The following DIAPH2 variants were observed in gnomAD, a reference collection of about 807,000 sequenced individuals.
DIAPH2 encodes diaphanous related formin 2.
DIAPH2 carries 35 observed loss-of-function variants against 92.7 expected under a neutral mutation model. The ratio of observed to expected loss-of-function variants is 0.38; its 90% CI spans 0.29 to 0.50. DIAPH2 has a LOEUF of 0.50. Among genes scored for constraint, DIAPH2 ranks in the 20% least tolerant of loss-of-function variants. The pLI, the probability that DIAPH2 is intolerant of heterozygous loss-of-function variation, is 0.94. For missense variants in DIAPH2, 701 were observed against 819.5 expected, an observed-to-expected ratio of 0.86 and a Z score of 1.77; for synonymous variants, 301 against 280.4, an observed-to-expected ratio of 1.07 and a Z score of -0.73.
At chrX:96,841,364 C>G (rs1222356226) in intron 4 of DIAPH2, among the ~76,000 whole-genome samples, 1 of 111,941 alleles carries the variant, frequency 8.9e-6, no homozygotes, top group African/African-American at 3.2e-5. Flanking sequence ...ACCTGGCTCA[C>G]TGTGTTCAAT....
chrX:97,458,271 T>G (rs1181076545), intron 26 of DIAPH2, among the ~76,000 whole-genome samples: 1 of 109,229 alleles, frequency 9.2e-6, no homozygotes, highest in African/African-American at 3.3e-5. Flanking sequence ...CAGGGGTTTT[T>G]TTTCCATTTT....
chrX:97,270,623 T>G (rs773916601), intron 23 of DIAPH2, among the ~76,000 whole-genome samples: 6 of 111,860 alleles, frequency 5.4e-5, no homozygotes, highest in Admixed American at 9.6e-5. Context: ...TCAGTACCTA[T>G]AGAAACGACA....
intron 25 of DIAPH2, among the ~76,000 whole-genome samples, chrX:97,420,977 A>G (rs1168608330): frequency 2.7e-5 from 3 of 112,293 alleles, no homozygotes; most frequent in Non-Finnish European, 5.6e-5. Context: ...TATCTTAGTT[A>G]CCATCTGTTG....
intron 24 of DIAPH2, among the ~76,000 whole-genome samples, chrX:97,372,671 A>G (rs1302811963): frequency 1.8e-5 from 2 of 111,948 alleles, no homozygotes; most frequent in African/African-American, 6.5e-5. Context: ...CCAAAAGATT[A>G]CTAGAAAAGC....
At chrX:96,975,072 TAAC>T (rs948103206) in intron 17 of DIAPH2, among the ~76,000 whole-genome samples, 11 of 111,792 alleles carry the variant, frequency 9.8e-5, no homozygotes, top group Non-Finnish European at 3.8e-5. Flanking sequence ...GCTTTAATAA[TAAC>T]AGAAAATTGA....
chrX:96,857,259 T>C (rs922773142), intron 4 of DIAPH2, among the ~76,000 whole-genome samples: 3 of 111,923 alleles, frequency 2.7e-5, no homozygotes, highest in African/African-American at 9.8e-5. Flanking sequence ...TCACTGAATG[T>C]ATATGCTATA....
intron 22 of DIAPH2, among the ~76,000 whole-genome samples, chrX:97,171,801 G>T (rs1273160048): frequency 9.0e-6 from 1 of 110,654 alleles, no homozygotes; most frequent in East Asian, 2.8e-4. Flanking sequence ...TCAGCCAGGC[G>T]TTGGGGCGGG....
intron 4 of DIAPH2, among the ~76,000 whole-genome samples, chrX:96,810,929 G>A (rs2064674640): frequency 8.9e-6 from 1 of 111,853 alleles, no homozygotes; most frequent in Non-Finnish European, 1.9e-5. Context: ...TAGCCTTGTA[G>A]TATAGTTTGA....
At chrX:97,187,655 G>A (rs1293256402) in intron 22 of DIAPH2, among the ~76,000 whole-genome samples, 2 of 110,458 alleles carry the variant, frequency 1.8e-5, no homozygotes, top group African/African-American at 6.6e-5. Flanking sequence ...ATTATAGACA[G>A]TTCGCTGGTA....
At chrX:97,040,908 A>G (rs771703997) in intron 17 of DIAPH2, among the ~76,000 whole-genome samples, 2 of 110,868 alleles carry the variant, frequency 1.8e-5, no homozygotes, top group East Asian at 5.6e-4. Context: ...TTCTCACATT[A>G]TTAATATCTT....
intron 1 of DIAPH2, among the ~76,000 whole-genome samples, chrX:96,720,161 T>C (rs6523047): frequency 0.13 from 14,932 of 111,127 alleles, 826 homozygotes; most frequent in East Asian, 0.32. Context: ...CCTTAAAAAC[T>C]GTGTACATAT....
At chrX:97,102,066 G>A (rs762058682) in intron 20 of DIAPH2, among the ~76,000 whole-genome samples, 7 of 112,105 alleles carry the variant, frequency 6.2e-5, no homozygotes, top group Admixed American at 1.9e-4. Flanking sequence ...AAAACCTCCG[G>A]TGTCTCCCTG....
Position 97,577,411 on chromosome X carries a change from C to T in DIAPH2, c.3242-21842C>T, listed in dbSNP as rs1433810629. 3.6e-5 allele frequency among the ~76,000 whole-genome samples: 4 copies of T among 112,127 alleles called. No homozygotes were observed. In the Admixed American group the frequency reaches 3.8e-4, roughly 11 times the overall value. The stretch of plus-strand genomic sequence containing the variant: ...TTCTCTGCCATCCCAGAACTCTCCT[C>T]TTAGAAAGGCAATATCTGAAATGAT... On this transcript the variant is annotated intron_variant, in intron 26 of 26. Coordinates refer to ENST00000324765, the MANE Select transcript of DIAPH2 (RefSeq NM_006729.5).
intron 19 of DIAPH2, among the ~76,000 whole-genome samples, chrX:97,094,121 T>C (rs899592463): frequency 9.0e-6 from 1 of 111,294 alleles, no homozygotes; most frequent in Non-Finnish European, 1.9e-5. Flanking sequence ...TGAGTTCTCC[T>C]TTAGATTTGT....
chrX:97,393,014 G>A (rs1431893805), intron 25 of DIAPH2, among the ~76,000 whole-genome samples: 1 of 111,330 alleles, frequency 9.0e-6, no homozygotes, highest in Non-Finnish European at 1.9e-5. Context: ...TTCCAAGTCA[G>A]GCAGGGGAGT....
intron 19 of DIAPH2, among the ~76,000 whole-genome samples, chrX:97,090,163 T>G (rs2066812687): frequency 8.9e-6 from 1 of 111,911 alleles, no homozygotes; most frequent in Non-Finnish European, 1.9e-5. Flanking sequence ...AAGGGGAAAA[T>G]ATTTCAAACA....
chrX:97,534,475 TTATAC>T (rs1419116331), intron 26 of DIAPH2, among the ~76,000 whole-genome samples: 1 of 110,823 alleles, frequency 9.0e-6, no homozygotes, highest in Non-Finnish European at 1.9e-5. Context: ...CATATAAATA[TTATAC>T]TATAAAAATC....
At chrX:96,940,417 T>C (rs1450544532) in intron 12 of DIAPH2, among the ~76,000 whole-genome samples, 1 of 112,072 alleles carries the variant, frequency 8.9e-6, no homozygotes, top group Non-Finnish European at 1.9e-5. Context: ...ACTGAAATTA[T>C]CCACAGACTG....
intron 26 of DIAPH2, among the ~76,000 whole-genome samples, chrX:97,499,168 C>T (rs941260901): frequency 5.4e-5 from 6 of 111,969 alleles, no homozygotes; most frequent in African/African-American, 1.9e-4. Flanking sequence ...TCTCTTAATT[C>T]CTCATTTGTG....
Sources: allele counts gnomAD v4.1 joint callset (sites outside exome capture counted in the v4.1 genomes callset), GRCh38; gene constraint gnomAD v4.1.1; transcripts MANE v1.5; gene names NCBI Gene and HGNC (gene_info 2026-07-23, HGNC 2026-07-21).